SASH1: variants seen among roughly 807,000 people sequenced by gnomAD.
SASH1 encodes the protein SAM and SH3 domain-containing protein 1.
SASH1 carries 44 observed loss-of-function variants against 125.2 expected under a neutral mutation model. That is an observed-to-expected ratio of 0.35 (90% confidence interval 0.28 to 0.45). The LOEUF is 0.45. Among genes scored for constraint, SASH1 ranks in the 20% least tolerant of loss-of-function variants. SASH1 has a pLI of 1.00. For missense variants in SASH1, 1,426 were observed against 1,614.5 expected, an observed-to-expected ratio of 0.88 and a Z score of 2.00; for synonymous variants, 639 against 649.1, an observed-to-expected ratio of 0.98 and a Z score of 0.24.
intron 8 of SASH1, chr6:148,509,313 A>G (rs1779985050): frequency 6.0e-6 from 1 of 166,200 alleles, no homozygotes; most frequent in Non-Finnish European, 1.3e-5. Flanking sequence ...GCTAGGTTAG[A>G]GAGACCAGTG....
intron 2 of SASH1, among the ~76,000 whole-genome samples, chr6:148,394,408 A>G (rs1047257797): frequency 1.3e-5 from 2 of 152,208 alleles, no homozygotes; most frequent in African/African-American, 2.4e-5. Flanking sequence ...CACAGTGCTT[A>G]ACAGTTTTGA....
chr6:148,241,129 T>G, the SASH1 span, among the ~76,000 whole-genome samples: 72 of 152,322 alleles, frequency 4.7e-4, no homozygotes, highest in African/African-American at 1.6e-3. Context: ...AACCATCAGA[T>G]TCTAGGTACT....
At chr6:148,416,381 A>C (rs1167324110) in intron 2 of SASH1, among the ~76,000 whole-genome samples, 1 of 151,994 alleles carries the variant, frequency 6.6e-6, no homozygotes, top group Admixed American at 6.6e-5. Context: ...ACTCTTTTTG[A>C]GGAATTTTCA....
At chr6:148,287,476 G>C (rs1418091813) in intron 1 of SASH1, among the ~76,000 whole-genome samples, 2 of 152,184 alleles carry the variant, frequency 1.3e-5, no homozygotes, top group Non-Finnish European at 2.9e-5. Flanking sequence ...CATGGCCACA[G>C]TCTGTCTCCC....
chr6:148,446,086 TTC>T (rs1393007437), intron 4 of SASH1, among the ~76,000 whole-genome samples: 11 of 119,914 alleles, frequency 9.2e-5, no homozygotes, highest in South Asian at 3.0e-4. Context: ...CAACATAGGG[TTC>T]TTTTTTTTTT....
intron 4 of SASH1, among the ~76,000 whole-genome samples, chr6:148,465,740 T>A (rs57066026): frequency 0.11 from 17,386 of 151,960 alleles, 1,036 homozygotes; most frequent in Non-Finnish European, 0.13. Context: ...TAAGATTTTT[T>A]AAAAAAATTA....
At chr6:148,391,337 G>A (rs370226575) in intron 2 of SASH1, among the ~76,000 whole-genome samples, 72 of 149,604 alleles carry the variant, frequency 4.8e-4, no homozygotes, top group South Asian at 3.2e-3. Context: ...TTGAACTCCC[G>A]ACTTCAGGTG....
At chr6:148,528,994 C>CTA (rs1362335528) in intron 12 of SASH1, among the ~76,000 whole-genome samples, 2 of 152,012 alleles carry the variant, frequency 1.3e-5, no homozygotes, top group African/African-American at 4.8e-5. Context: ...AGCGTGCAAC[C>CTA]TAGATGCCTC....
At chr6:148,450,008 C>T (rs1777019673) in intron 4 of SASH1, among the ~76,000 whole-genome samples, 1 of 152,192 alleles carries the variant, frequency 6.6e-6, no homozygotes, top group Non-Finnish European at 1.5e-5. Flanking sequence ...GACCCAACAC[C>T]TCCTGCTAGG....
intron 1 of SASH1, among the ~76,000 whole-genome samples, chr6:148,275,479 TCA>T (rs1779159642): frequency 6.6e-6 from 1 of 152,114 alleles, no homozygotes; most frequent in South Asian, 2.1e-4. Context: ...GCTCAAACAT[TCA>T]CACAGTTAAT....
At chr6:148,264,969 G>C in the SASH1 span, among the ~76,000 whole-genome samples, 1 of 152,218 alleles carries the variant, frequency 6.6e-6, no homozygotes, top group East Asian at 1.9e-4. Flanking sequence ...TACAGACCAC[G>C]TGCTCACTAT....
chr6:148,456,681 C>T (rs753688746), intron 4 of SASH1, among the ~76,000 whole-genome samples: 2 of 151,884 alleles, frequency 1.3e-5, no homozygotes, highest in Admixed American at 6.6e-5. Context: ...GGCAACATGG[C>T]GAAATCCTGT....
At chr6:148,521,407 A>G (rs1042214027) in intron 10 of SASH1, among the ~76,000 whole-genome samples, 2 of 152,214 alleles carry the variant, frequency 1.3e-5, no homozygotes, top group African/African-American at 4.8e-5. Context: ...AAATTCATTC[A>G]GTCGGGTTCT....
intron 1 of SASH1, among the ~76,000 whole-genome samples, chr6:148,296,635 G>A (rs937336474): frequency 5.9e-5 from 9 of 152,110 alleles, no homozygotes; most frequent in African/African-American, 1.9e-4. Context: ...GGTTCTAAAC[G>A]CTGCTCTGTC....
chr6:148,327,271 C>T (rs1780855214), intron 1 of SASH1, among the ~76,000 whole-genome samples: 1 of 150,002 alleles, frequency 6.7e-6, no homozygotes, highest in Non-Finnish European at 1.5e-5. Flanking sequence ...ATGAATGACA[C>T]ATACAATATA....
the SASH1 span, among the ~76,000 whole-genome samples, chr6:148,217,126 C>T: frequency 2.0e-5 from 3 of 152,214 alleles, no homozygotes; most frequent in East Asian, 3.9e-4. Flanking sequence ...GGCTATAAAG[C>T]GCTTACCACT....
chr6:148,211,069 C>A, the SASH1 span, among the ~76,000 whole-genome samples: 1 of 152,152 alleles, frequency 6.6e-6, no homozygotes, highest in Non-Finnish European at 1.5e-5. Flanking sequence ...AACCTTGTGG[C>A]CTCTTATCGA....
At chr6:148,498,157 G>A (rs1488690517) in intron 8 of SASH1, among the ~76,000 whole-genome samples, 1 of 151,820 alleles carries the variant, frequency 6.6e-6, no homozygotes, top group South Asian at 2.1e-4. Context: ...GCCAAGGTGG[G>A]TGGATTGCCT....
At chr6:148,210,124 T>C in the SASH1 span, among the ~76,000 whole-genome samples, 6,440 of 152,336 alleles carry the variant, frequency 0.042, 182 homozygotes, top group Non-Finnish European at 0.058. Flanking sequence ...CCAAGAGCTA[T>C]GACTTTTCAC....
Sources: gnomAD v4.1 joint callset for allele counts (sites outside exome capture counted in the v4.1 genomes callset) on GRCh38, gnomAD v4.1.1 for gene constraint, MANE v1.5 for transcripts, NCBI Gene and HGNC (gene_info 2026-07-23, HGNC 2026-07-21) for gene names.